Variants in TNFAIP8 observed in about 807,000 individuals in gnomAD.
TNFAIP8 encodes the protein tumor necrosis factor alpha-induced protein 8.
TNFAIP8 carries 7 observed loss-of-function variants against 13.3 expected under a neutral mutation model. The ratio of observed to expected loss-of-function variants is 0.52; its 90% confidence interval spans 0.30 to 0.99. The LOEUF (loss-of-function observed/expected upper bound fraction) is 0.99. Among genes scored for constraint, TNFAIP8 ranks in the 50% least tolerant of loss-of-function variants. TNFAIP8 has a pLI of 0.07. For missense variants in TNFAIP8, 258 were observed against 236.9 expected (o/e 1.09, Z -0.58); for synonymous variants, 94 against 87.6 (o/e 1.07, Z -0.41).
At chr5:119,289,363 C>T (rs1748913862) in intron 1 of TNFAIP8, among the ~76,000 whole-genome samples, 3 of 152,088 alleles carry the variant, frequency 2.0e-5, no homozygotes, top group Admixed American at 1.3e-4. Flanking sequence ...ACTAGTCACC[C>T]AGAGCAGTTT....
chr5:119,342,886 A>G (rs1750788064), intron 1 of TNFAIP8, among the ~76,000 whole-genome samples: 1 of 152,168 alleles, frequency 6.6e-6, no homozygotes, highest in Non-Finnish European at 1.5e-5. Context: ...TATCGCCTGC[A>G]TGTCTTTAGC....
upstream of TNFAIP8, chr5:119,355,255 G>A (rs1307719707): frequency 5.7e-6 from 4 of 697,718 alleles, no homozygotes. Flanking sequence ...TAGCCGGGAG[G>A]GAACCGTGCT....
At chr5:119,369,179 AAGTAGG>A (rs1475103589) in intron 1 of TNFAIP8, among the ~76,000 whole-genome samples, 1 of 150,282 alleles carries the variant, frequency 6.7e-6, no homozygotes, top group African/African-American at 2.5e-5. Context: ...TCAGCCTCCC[AAGTAGG>A]TGGGATTATG....
intron 1 of TNFAIP8, among the ~76,000 whole-genome samples, chr5:119,358,445 T>C (rs1751518394): frequency 6.6e-6 from 1 of 152,208 alleles, no homozygotes; most frequent in Admixed American, 6.5e-5. Flanking sequence ...TCCTAAATAA[T>C]TGATTTAATT....
intron 1 of TNFAIP8, among the ~76,000 whole-genome samples, chr5:119,384,516 A>G (rs1448402246): frequency 6.6e-6 from 1 of 152,154 alleles, no homozygotes; most frequent in Non-Finnish European, 1.5e-5. Flanking sequence ...GTAAGATAAC[A>G]CAAGTTCTAG....
chr5:119,377,646 A>G (rs978264566), intron 1 of TNFAIP8, among the ~76,000 whole-genome samples: 3 of 152,330 alleles, frequency 2.0e-5, no homozygotes, highest in Middle Eastern at 6.8e-3. Context: ...CCTGAAGTCT[A>G]TGAACAAGTG....
chr5:119,332,269 A>G (rs1750405395), intron 1 of TNFAIP8, among the ~76,000 whole-genome samples: 2 of 152,166 alleles, frequency 1.3e-5, no homozygotes, highest in Non-Finnish European at 2.9e-5. Context: ...ATCAGGCAAT[A>G]TGTTATTTGC....
chr5:119,277,433 A>T (rs1174116592), intron 1 of TNFAIP8, among the ~76,000 whole-genome samples: 1 of 152,194 alleles, frequency 6.6e-6, no homozygotes, highest in Non-Finnish European at 1.5e-5. Flanking sequence ...TGAAGAATAA[A>T]AATTTTTAAT....
At chr5:119,293,705 T>C (rs376520417) in intron 1 of TNFAIP8, among the ~76,000 whole-genome samples, 1 of 152,140 alleles carries the variant, frequency 6.6e-6, no homozygotes, top group East Asian at 1.9e-4. Flanking sequence ...AATAAGGCTA[T>C]GGGGAAAAAT....
rs1426609613 is a variant in TNFAIP8 at position 119,268,871 on chromosome 5, G to C, written c.-36G>C. On this transcript the variant is annotated 5_prime_UTR_variant, in exon 1 of 2. Transcript: ENST00000274456. ...GGCGCCGCCAAACAGCCCAGCTCGCGCTTCAGCGTCCCGGCGCCGTCGCGC... is the reference window on the plus strand; with the variant it reads ...GGCGCCGCCAAACAGCCCAGCTCGCCCTTCAGCGTCCCGGCGCCGTCGCGC... The C allele has an allele frequency of 8.5e-6, 6 of 702,610 alleles. No individual in the cohort carries two copies. In the East Asian group the frequency reaches 1.6e-4, roughly 19 times the overall value. The allele number at this position is 702,610 out of a possible 1,614,324, so 43.5% of individuals were successfully genotyped here.
intron 1 of TNFAIP8, among the ~76,000 whole-genome samples, chr5:119,321,786 G>T (rs779028854): frequency 1.3e-5 from 2 of 152,108 alleles, no homozygotes; most frequent in Non-Finnish European, 2.9e-5. Context: ...CAATGAGAAT[G>T]GTCTTATCGC....
chr5:119,283,473 TA>T (rs903234304), intron 1 of TNFAIP8, among the ~76,000 whole-genome samples: 1 of 151,834 alleles, frequency 6.6e-6, no homozygotes, highest in Non-Finnish European at 1.5e-5. Flanking sequence ...TTGTATTAAT[TA>T]AAAAAAAGTA....
intron 1 of TNFAIP8, among the ~76,000 whole-genome samples, chr5:119,384,262 A>T (rs1249367833): frequency 1.3e-5 from 2 of 152,184 alleles, no homozygotes; most frequent in South Asian, 2.1e-4. Context: ...AGGCGGGTGG[A>T]TCACCTGAGG....
intron 1 of TNFAIP8, among the ~76,000 whole-genome samples, chr5:119,307,831 T>C (rs1749613466): frequency 6.6e-6 from 1 of 152,244 alleles, no homozygotes; most frequent in Non-Finnish European, 1.5e-5. Context: ...ATAGTGAGAA[T>C]GTAGTTTTAA....
At chr5:119,303,591 T>G (rs762872958) in intron 1 of TNFAIP8, among the ~76,000 whole-genome samples, 2 of 152,188 alleles carry the variant, frequency 1.3e-5, no homozygotes, top group African/African-American at 4.8e-5. Context: ...AGATGTGTAA[T>G]GGCATATTAA....
chr5:119,300,053 T>C (rs1749334972), intron 1 of TNFAIP8, among the ~76,000 whole-genome samples: 1 of 152,262 alleles, frequency 6.6e-6, no homozygotes, highest in Non-Finnish European at 1.5e-5. Context: ...CCTGACCCCT[T>C]GTGCTTCCCG....
At chr5:119,315,472 A>AC (rs145667378) in intron 1 of TNFAIP8, among the ~76,000 whole-genome samples, 13,878 of 152,136 alleles carry the variant, frequency 0.091, 2,116 homozygotes, top group African/African-American at 0.32. Flanking sequence ...CTTTTTTCTT[A>AC]TCAAAAAAAC....
At chr5:119,369,821 A>G (rs756598780) in intron 1 of TNFAIP8, among the ~76,000 whole-genome samples, 6 of 152,184 alleles carry the variant, frequency 3.9e-5, no homozygotes, top group Non-Finnish European at 5.9e-5. Flanking sequence ...GTGATATTCC[A>G]TCTCCTAGTC....
rs1196987547 is a variant in TNFAIP8 at position 119,396,770 on chromosome 5, A to G, written c.*3389A>G. On this transcript the variant is annotated 3_prime_UTR_variant, in exon 2 of 2. Transcript: ENST00000504771. ...AACTTTGGGAGGCGGAGGTGGGAGGATCACTTGAGGTGAGGAGTTCGAGAC... is the reference window on the plus strand; with the variant it reads ...AACTTTGGGAGGCGGAGGTGGGAGGGTCACTTGAGGTGAGGAGTTCGAGAC... 6.6e-6 allele frequency: 1 copy of G among 152,028 alleles called. No individual in the cohort carries two copies. Among genetic ancestry groups the G allele is most frequent in the African/African-American group, 2.4e-5 (1 of 41,374 alleles). 9.4% of individuals were successfully genotyped at this position (152,028 alleles called of 1,614,324 possible).
Sources: gnomAD v4.1 joint callset for allele counts (sites outside exome capture counted in the v4.1 genomes callset) on GRCh38, gnomAD v4.1.1 for gene constraint, MANE v1.5 for transcripts, NCBI Gene and HGNC (gene_info 2026-07-23, HGNC 2026-07-21) for gene names.